Variants in LDLRAD3 observed in about 807,000 individuals in gnomAD.
The protein encoded by LDLRAD3 is low density lipoprotein receptor class A domain containing 3.
Under a neutral mutation model 29.4 loss-of-function variants are expected in LDLRAD3, and 20 were observed. The ratio of observed to expected loss-of-function variants is 0.68; its 90% CI spans 0.48 to 0.99. The LOEUF (loss-of-function observed/expected upper bound fraction) is 0.99. Among genes scored for constraint, LDLRAD3 ranks in the 50% least tolerant of loss-of-function variants. The pLI is 0.00. For synonymous variants in LDLRAD3, 157 were observed against 192.7 expected, an observed-to-expected ratio of 0.81 and a Z score of 1.53; for missense variants, 420 against 454.3, an observed-to-expected ratio of 0.92 and a Z score of 0.69.
intron 1 of LDLRAD3, among the ~76,000 whole-genome samples, chr11:35,987,121 A>G (rs1312829732): frequency 6.6e-6 from 1 of 152,226 alleles, no homozygotes; most frequent in African/African-American, 2.4e-5. Context: ...GAGAATATTC[A>G]TGCCTCCTGT....
At chr11:36,003,844 G>A (rs1034068494) in intron 1 of LDLRAD3, among the ~76,000 whole-genome samples, 9 of 152,190 alleles carry the variant, frequency 5.9e-5, no homozygotes, top group Admixed American at 1.3e-4. Context: ...TACAATCATG[G>A]TGGAAGGCGA....
At chr11:36,199,058 G>A (rs541035999) in intron 4 of LDLRAD3, among the ~76,000 whole-genome samples, 6 of 152,170 alleles carry the variant, frequency 3.9e-5, no homozygotes, top group African/African-American at 7.2e-5. Flanking sequence ...CTGCCACCTC[G>A]CCCGGCTAAT....
intron 4 of LDLRAD3, among the ~76,000 whole-genome samples, chr11:36,159,602 T>TAAAAA (rs66512652): frequency 5.1e-5 from 3 of 58,470 alleles, no homozygotes; most frequent in Non-Finnish European, 6.3e-5. Flanking sequence ...TTACAGAAAC[T>TAAAAA]AAAAAAAAAA....
intron 3 of LDLRAD3, among the ~76,000 whole-genome samples, chr11:36,089,242 G>A (rs1042702207): frequency 2.0e-5 from 3 of 152,092 alleles, no homozygotes; most frequent in Admixed American, 2.0e-4. Context: ...GCTTTACGTG[G>A]ATGATCTCAT....
At chr11:36,062,261 T>C (rs1852712660) in intron 2 of LDLRAD3, among the ~76,000 whole-genome samples, 1 of 152,142 alleles carries the variant, frequency 6.6e-6, no homozygotes, top group Non-Finnish European at 1.5e-5. Flanking sequence ...GAATATAAAG[T>C]TTCTGTAAAT....
chr11:35,966,029 C>G (rs1851336950), intron 1 of LDLRAD3, among the ~76,000 whole-genome samples: 1 of 152,224 alleles, frequency 6.6e-6, no homozygotes, highest in Non-Finnish European at 1.5e-5. Context: ...CCTTTTATCA[C>G]GTAAAATGTT....
At chr11:36,150,311 T>C (rs544860697) in intron 4 of LDLRAD3, among the ~76,000 whole-genome samples, 10 of 152,260 alleles carry the variant, frequency 6.6e-5, no homozygotes, top group African/African-American at 2.4e-4. Context: ...CAGGATCACT[T>C]GGGGCCAGGA....
At chr11:35,956,528 G>A (rs1021994689) in intron 1 of LDLRAD3, among the ~76,000 whole-genome samples, 3 of 152,120 alleles carry the variant, frequency 2.0e-5, no homozygotes, top group Non-Finnish European at 4.4e-5. Flanking sequence ...AAGTTTGAGA[G>A]GCATTGATGT....
rs1036764640 is a variant in LDLRAD3, at chr11:35,944,222, G to C, written c.46+78G>C. On this transcript the variant is annotated intron_variant, in intron 1 of 5. Coordinates refer to ENST00000315571, the MANE Select transcript of LDLRAD3 (RefSeq NM_174902.4). The surrounding 1 kb of genome is among the most constrained non-coding windows in gnomAD (Gnocchi z 4.9). ...CGGGGCGCAGCGGCCGGGTGCGATC[G>C]CGTCCTCTCCCGGGCGCGGGCCGCT... 4 of 852,564 alleles carry C rather than the reference G, an allele frequency of 4.7e-6. No individual in the cohort carries two copies. Among genetic ancestry groups the C allele is most frequent in the Non-Finnish European group, 5.6e-6 (4 of 708,178 alleles). The allele number at this position is 852,564 out of a possible 1,614,324, so 52.8% of individuals were successfully genotyped here.
At chr11:36,221,929 T>C (rs577846542) in intron 4 of LDLRAD3, among the ~76,000 whole-genome samples, 1 of 152,192 alleles carries the variant, frequency 6.6e-6, no homozygotes, top group Non-Finnish European at 1.5e-5. Context: ...TCAGTATATG[T>C]AGAGGTTCCC....
At chr11:36,222,607 C>G (rs527306890) in intron 4 of LDLRAD3, among the ~76,000 whole-genome samples, 16 of 152,184 alleles carry the variant, frequency 1.1e-4, no homozygotes, top group African/African-American at 3.6e-4. Flanking sequence ...TAATTTGCAT[C>G]TGGAGGAGGG....
chr11:36,012,583 C>T (rs773385241), intron 1 of LDLRAD3, among the ~76,000 whole-genome samples: 3 of 152,164 alleles, frequency 2.0e-5, no homozygotes, highest in Middle Eastern at 3.4e-3. Context: ...TAACTGAGAC[C>T]GTTCTTAAGT....
At chr11:36,156,352 C>T (rs977633817) in intron 4 of LDLRAD3, among the ~76,000 whole-genome samples, 5 of 152,258 alleles carry the variant, frequency 3.3e-5, no homozygotes, top group Non-Finnish European at 5.9e-5. Flanking sequence ...CAAGTTTGTT[C>T]GTATAGCCAG....
chr11:36,011,841 G>C (rs1325902886), intron 1 of LDLRAD3, among the ~76,000 whole-genome samples: 2 of 152,118 alleles, frequency 1.3e-5, no homozygotes, highest in African/African-American at 4.8e-5. Context: ...GAAAGCACCA[G>C]TGCAGGCTCT....
At chr11:36,098,234 T>C (rs1268729920) in intron 3 of LDLRAD3, 93 bp from the exon 4 acceptor site, 3 of 1,472,582 alleles carry the variant, frequency 2.0e-6, no homozygotes, top group East Asian at 2.3e-5. Flanking sequence ...TACTGCTTCC[T>C]GAGCGGGACA....
At chr11:36,030,409 A>G (rs764278150) in intron 1 of LDLRAD3, among the ~76,000 whole-genome samples, 21 of 151,158 alleles carry the variant, frequency 1.4e-4, no homozygotes, top group Non-Finnish European at 2.8e-4. Context: ...AGAGCCGCTC[A>G]CTCACTGGCC....
chr11:36,040,970 A>T (rs1343311636), intron 2 of LDLRAD3, among the ~76,000 whole-genome samples: 1 of 152,138 alleles, frequency 6.6e-6, no homozygotes, highest in African/African-American at 2.4e-5. Context: ...TTTGTGAGAT[A>T]CCTATTGATG....
intron 4 of LDLRAD3, among the ~76,000 whole-genome samples, chr11:36,169,005 T>A (rs983240155): frequency 2.0e-5 from 3 of 152,174 alleles, no homozygotes; most frequent in Admixed American, 2.0e-4. Context: ...GGAATGACTG[T>A]ATTCCCATTA....
intron 5 of LDLRAD3, 82 bp downstream of exon 5, chr11:36,227,512 A>T (rs1480045422): frequency 3.7e-6 from 4 of 1,090,222 alleles, no homozygotes; most frequent in Non-Finnish European, 5.1e-6. Context: ...TGAGGTTCTT[A>T]GGTCTTGCCA....
Sources: allele counts gnomAD v4.1 joint callset (sites outside exome capture counted in the v4.1 genomes callset), GRCh38; gene constraint gnomAD v4.1.1; non-coding constraint Gnocchi (gnomAD v3.1); transcripts MANE v1.5; gene names NCBI Gene and HGNC (gene_info 2026-07-23, HGNC 2026-07-21).